DGKZ: variants seen among roughly 807,000 people sequenced by gnomAD.
DGKZ encodes DAG kinase zeta.
Under a neutral mutation model 142.5 loss-of-function variants are expected in DGKZ, and 45 were observed. That is an observed-to-expected ratio of 0.32 (90% CI 0.25 to 0.40). DGKZ has a LOEUF of 0.40. Among genes scored for constraint, DGKZ ranks in the 10% least tolerant of loss-of-function variants. The pLI, the probability that DGKZ is intolerant of heterozygous loss-of-function variation, is 1.00. For synonymous variants in DGKZ, 442 were observed against 527.0 expected (o/e 0.84, Z 2.21); for missense variants, 755 against 1,306.5 (o/e 0.58, Z 6.51).
At chr11:46,353,576 G>A (rs1590435020) in intron 1 of DGKZ, among the ~76,000 whole-genome samples, 2 of 152,248 alleles carry the variant, frequency 1.3e-5, no homozygotes, top group African/African-American at 4.8e-5. Context: ...GGACAAGTCT[G>A]ATCTTTTTCC....
chr11:46,346,569 GCA>G (rs1164136184), upstream of DGKZ, among the ~76,000 whole-genome samples: 1 of 152,212 alleles, frequency 6.6e-6, no homozygotes, highest in Non-Finnish European at 1.5e-5. Context: ...GTGTGCATAT[GCA>G]CACACATACA....
At chr11:46,342,202 T>C (rs1478816388) in intron 1 of DGKZ, among the ~76,000 whole-genome samples, 1 of 152,144 alleles carries the variant, frequency 6.6e-6, no homozygotes, top group African/African-American at 2.4e-5. Flanking sequence ...GGCTGGCACA[T>C]GTTGTCCTAG....
At chr11:46,374,291 G>A (rs888408815) in intron 15 of DGKZ, 56 bp downstream of exon 15, 8 of 1,612,682 alleles carry the variant, frequency 5.0e-6, no homozygotes, top group Non-Finnish European at 1.7e-6. Flanking sequence ...GTCCCCGGGA[G>A]GGTCAGACCC....
At chr11:46,356,663 A>T (rs1203666106) in intron 1 of DGKZ, among the ~76,000 whole-genome samples, 1 of 152,068 alleles carries the variant, frequency 6.6e-6, no homozygotes. Context: ...TGTTTGCCAG[A>T]AGCATCCAGG....
At chr11:46,339,248 T>A (rs1287028623) in intron 1 of DGKZ, among the ~76,000 whole-genome samples, 2 of 151,844 alleles carry the variant, frequency 1.3e-5, no homozygotes, top group African/African-American at 2.4e-5. Context: ...AACCCAAGAG[T>A]GACAGGGAGA....
rs769805146 is a variant in DGKZ at position 46,377,053 on chromosome 11, G to A, written c.2203-20G>A. ...CCACCGTCAGGTGCCCTGACCTCCC[G>A]CCCTGACCTCCCCCCACAGGAGCAC... is the stretch of plus-strand genomic sequence containing the variant. On this transcript the variant is annotated intron_variant, in intron 24 of 30. Coordinates refer to ENST00000527911, the Ensembl canonical transcript of DGKZ. 4.1e-5 allele frequency: 65 copies of A among 1,604,388 alleles called. No individual in the cohort carries two copies. Among genetic ancestry groups the A allele is most frequent in the Admixed American group, 6.7e-5 (4 of 59,764 alleles).
intron 1 of DGKZ, chr11:46,365,467 G>C: frequency 4.1e-6 from 4 of 985,392 alleles, no homozygotes; most frequent in Non-Finnish European, 4.8e-6. Flanking sequence ...CTTTGCTTTT[G>C]GCCCAAGCCT....
At chr11:46,374,082 C>G (rs548535093) in intron 14 of DGKZ, 75 bp from the exon 15 acceptor site, 276 of 1,520,842 alleles carry the variant, frequency 1.8e-4, no homozygotes, top group Non-Finnish European at 2.4e-4. Flanking sequence ...TGAGCTGGCT[C>G]GGCCACACGA....
chr11:46,369,857 C>T (rs1207689135), intron 5 of DGKZ, 84 bp from the exon 6 acceptor site: 23 of 1,453,056 alleles, frequency 1.6e-5, no homozygotes, highest in African/African-American at 9.8e-5. Context: ...CCTGCAGCCC[C>T]GTGTGTTGAG....
Position 46,367,868 on chromosome 11 carries a change from A to G in DGKZ, c.366+121A>G, listed in dbSNP as rs1443121501. The G allele has an allele frequency of 6.7e-7, 1 of 1,502,570 alleles. No homozygotes were observed. The highest frequency in any genetic ancestry group is 1.7e-5 in the Admixed American group (1 of 58,030). The allele number at this position is 1,502,570 out of a possible 1,614,324, so 93.1% of individuals were successfully genotyped here. ...TGCTGTGGGCCGCCCCAGGATGGTG[A>G]GGGGTGCAGGGGCTTTGTCCGGATG... On this transcript the variant is annotated intron_variant, in intron 3 of 30. Transcript: ENST00000527911. The surrounding 1 kb of genome is among the most constrained non-coding windows in gnomAD (Gnocchi z 4.1).
chr11:46,365,672 G>A (rs1943169499), intron 1 of DGKZ: 1 of 985,282 alleles, frequency 1.0e-6, no homozygotes, highest in Non-Finnish European at 1.2e-6. Flanking sequence ...TCAGGATTAA[G>A]TTCCTTTGCA....
intron 1 of DGKZ, among the ~76,000 whole-genome samples, chr11:46,362,319 G>A (rs939573064): frequency 2.6e-5 from 4 of 152,164 alleles, no homozygotes; most frequent in South Asian, 4.1e-4. Context: ...GCCTGGTACC[G>A]GGTGCAGAGG....
At chr11:46,366,641 G>A (rs763955755) in intron 1 of DGKZ, 6 of 1,602,390 alleles carry the variant, frequency 3.7e-6, no homozygotes, top group Admixed American at 3.4e-5. Flanking sequence ...TGTGGTAGCC[G>A]AGGCATCGAG....
intron 25 of DGKZ, chr11:46,377,855 G>A (rs565103973): frequency 1.3e-5 from 4 of 308,520 alleles, no homozygotes; most frequent in Non-Finnish European, 1.8e-5. Flanking sequence ...CATCCCCTTC[G>A]AATCTCAGCT....
At chr11:46,356,240 G>T (rs771720001) in intron 1 of DGKZ, among the ~76,000 whole-genome samples, 1 of 152,144 alleles carries the variant, frequency 6.6e-6, no homozygotes, top group African/African-American at 2.4e-5. Context: ...ATCAGGGATC[G>T]GTTTCAGTGT....
At chr11:46,364,377 A>G in intron 1 of DGKZ, 1 of 1,289,154 alleles carries the variant, frequency 7.8e-7, no homozygotes, top group Non-Finnish European at 1.0e-6. Context: ...GGCTCAGTAA[A>G]TGTCAGCCGT....
chr11:46,345,094 G>A (rs567978859), upstream of DGKZ, among the ~76,000 whole-genome samples: 3 of 152,330 alleles, frequency 2.0e-5, no homozygotes, highest in African/African-American at 4.8e-5. The surrounding 1 kb of genome is among the most constrained non-coding windows in gnomAD (Gnocchi z 4.1). Context: ...GTCATAAAGC[G>A]GGAGACCTCA....
In DGKZ at chr11:46,379,821, C is replaced by T. The variant is rs780871326; in HGVS notation, c.2689-10C>T. The T allele has an allele frequency of 5.0e-6, 8 of 1,605,486 alleles. No individual in the cohort carries two copies. Among genetic ancestry groups the T allele is most frequent in the Non-Finnish European group, 6.8e-6 (8 of 1,176,494 alleles). On this transcript the variant is annotated splice_polypyrimidine_tract_variant and intron_variant, in intron 30 of 30. Coordinates refer to ENST00000527911, the Ensembl canonical transcript of DGKZ. Reference sequence around the variant, plus strand: ...TGGCCCCTGCTGATCGCAGCTCCGCCCTCCTCCAGGGCGACACTCCCCGGC... The same window carrying T: ...TGGCCCCTGCTGATCGCAGCTCCGCTCTCCTCCAGGGCGACACTCCCCGGC...
chr11:46,347,009 G>T (rs61882679), upstream of DGKZ, among the ~76,000 whole-genome samples: 9,189 of 152,222 alleles, frequency 0.06, 354 homozygotes, highest in Non-Finnish European at 0.088. The surrounding 1 kb of genome is among the most constrained non-coding windows in gnomAD (Gnocchi z 6.4). Context: ...GCGTGCATGG[G>T]GAGCACTGTG....
Sources: gnomAD v4.1 joint callset for allele counts (sites outside exome capture counted in the v4.1 genomes callset) on GRCh38, gnomAD v4.1.1 for gene constraint, Gnocchi (gnomAD v3.1) non-coding constraint, MANE v1.5 for transcripts, NCBI Gene and HGNC (gene_info 2026-07-23, HGNC 2026-07-21) for gene names.